The following ESRRB variants were observed in gnomAD, a reference collection of about 807,000 sequenced individuals.
ESRRB encodes steroid hormone receptor ERR2.
Under a neutral mutation model 46.0 loss-of-function variants are expected in ESRRB, and 16 were observed. The ratio of observed to expected loss-of-function variants is 0.35; its 90% CI spans 0.24 to 0.53. ESRRB has a LOEUF of 0.53. Ranked by LOEUF, ESRRB falls within the 20% of genes least tolerant of loss-of-function variation. ESRRB has a pLI of 0.93. For missense variants in ESRRB, 488 were observed against 607.4 expected (o/e 0.80, Z 2.07); for synonymous variants, 246 against 259.6 (o/e 0.95, Z 0.50).
upstream of ESRRB, among the ~76,000 whole-genome samples, chr14:76,375,218 C>CA (rs1188635496): frequency 6.6e-6 from 1 of 151,878 alleles, no homozygotes; most frequent in African/African-American, 2.4e-5. Context: ...TGGTGCATCT[C>CA]AAAAGATGAA....
intron 1 of ESRRB, among the ~76,000 whole-genome samples, chr14:76,333,744 C>T (rs1476823475): frequency 6.6e-6 from 1 of 151,802 alleles, no homozygotes; most frequent in East Asian, 1.9e-4. Flanking sequence ...AAAATTATCA[C>T]CGAAATACTT....
At position 76,402,500 on chromosome 14, in the gene ESRRB, A is replaced by T. The variant is rs141318031; in HGVS notation, c.50+26049A>T. On this transcript the variant is annotated intron_variant, in intron 1 of 6. Coordinates refer to ENST00000644823, the MANE Select transcript of ESRRB (RefSeq NM_001379180.1). ...AGGGCCATGATGCCTGTTGAATCCC[A>T]TGACTCTGGGAACTATCCATTGGGA... 4.0e-3 allele frequency among the ~76,000 whole-genome samples: 612 copies of T among 152,248 alleles called. 4 individuals carry two copies. Among genetic ancestry groups the T allele is most frequent in the African/African-American group, 0.014 (591 of 41,544 alleles).
chr14:76,403,934 G>C (rs1348247367), intron 1 of ESRRB, among the ~76,000 whole-genome samples: 1 of 152,020 alleles, frequency 6.6e-6, no homozygotes. Flanking sequence ...GGCCAGGCTG[G>C]TCCCGAACTC....
Position 76,498,638 on chromosome 14 carries a change from G to T in ESRRB, c.*180G>T. 3.1e-6 allele frequency: 3 copies of T among 981,712 alleles called. No homozygotes were observed. Among genetic ancestry groups the T allele is most frequent in the Non-Finnish European group, 4.3e-6 (3 of 699,772 alleles). 60.8% of individuals were successfully genotyped at this position (981,712 alleles called of 1,614,324 possible). ...GACTCCCGGGTGCAGTGGGGTGGGG[G>T]ACGGGGATGGGGGGGCAGGGGTGTG... is the stretch of plus-strand genomic sequence containing the variant. On this transcript the variant is annotated 3_prime_UTR_variant, in exon 7 of 7. Coordinates refer to ENST00000644823, the MANE Select transcript of ESRRB (RefSeq NM_001379180.1).
chr14:76,485,661 A>AG (rs1889987724), intron 5 of ESRRB, among the ~76,000 whole-genome samples: 225 of 104,218 alleles, frequency 2.2e-3, no homozygotes, highest in African/African-American at 8.3e-3. Context: ...GAGAGAGAGA[A>AG]AGAAAGAGAG....
At chr14:76,325,820 G>A (rs185243641) in intron 1 of ESRRB, among the ~76,000 whole-genome samples, 12 of 152,334 alleles carry the variant, frequency 7.9e-5, no homozygotes, top group Admixed American at 3.3e-4. Context: ...GCGCTGGCCC[G>A]CAGTAACTCT....
intron 3 of ESRRB, among the ~76,000 whole-genome samples, chr14:76,480,073 A>G (rs61979412): frequency 0.091 from 13,815 of 152,136 alleles, 818 homozygotes; most frequent in African/African-American, 0.16. Context: ...TCGCCATGGT[A>G]GCTAGGCTGA....
intron 3 of ESRRB, among the ~76,000 whole-genome samples, chr14:76,465,553 G>T (rs573386778): frequency 2.6e-5 from 4 of 152,298 alleles, no homozygotes; most frequent in African/African-American, 7.2e-5. Flanking sequence ...GGTATCGGGG[G>T]TGCTGGGAGG....
chr14:76,374,722 A>T (rs1045590863), upstream of ESRRB, among the ~76,000 whole-genome samples: 2 of 152,094 alleles, frequency 1.3e-5, no homozygotes, highest in African/African-American at 4.8e-5. Flanking sequence ...TGTGATTTTT[A>T]AAAATCGGGG....
At chr14:76,360,841 C>A (rs565350603) in intron 1 of ESRRB, among the ~76,000 whole-genome samples, 1 of 152,294 alleles carries the variant, frequency 6.6e-6, no homozygotes, top group East Asian at 1.9e-4. Context: ...ACCTGTCTAC[C>A]TTTCTGGGTT....
intron 1 of ESRRB, among the ~76,000 whole-genome samples, chr14:76,349,932 C>G (rs1884294325): frequency 3.3e-5 from 5 of 152,134 alleles, no homozygotes; most frequent in Admixed American, 2.6e-4. Context: ...CTAATGAAAA[C>G]CAGGCTTACA....
At chr14:76,467,907 C>A (rs753789686) in intron 3 of ESRRB, among the ~76,000 whole-genome samples, 3 of 152,160 alleles carry the variant, frequency 2.0e-5, no homozygotes, top group Non-Finnish European at 2.9e-5. Flanking sequence ...CTCCCAAGCC[C>A]GCTCCATTTC....
At position 76,485,729 on chromosome 14, in the gene ESRRB, G is replaced by C. The variant is rs370284282; in HGVS notation, c.850+2970G>C. 5.3e-5 allele frequency among the ~76,000 whole-genome samples: 8 copies of C among 152,258 alleles called. No individual in the cohort carries two copies. In the East Asian group the frequency reaches 9.7e-4, roughly 18 times the overall value. ...AAAGCTGGGGCCCACCCTGGGGCCTGTGTTGGCTCCAGTCCATCTAGTTCC... is the reference window on the plus strand; with the variant it reads ...AAAGCTGGGGCCCACCCTGGGGCCTCTGTTGGCTCCAGTCCATCTAGTTCC... On this transcript the variant is annotated intron_variant, in intron 5 of 6. Transcript: ENST00000644823.
rs896367128 is a variant in ESRRB, at chr14:76,499,577, T to A, written c.*1119T>A. On this transcript the variant is annotated 3_prime_UTR_variant, in exon 7 of 7. Transcript: ENST00000644823. ...TCAGCATCATGCCACAGGGCTAGTG[T>A]ACCAGTGCCACAGGAGGGGTGCCCT... is the stretch of plus-strand genomic sequence containing the variant. 17 of 508,028 alleles carry A rather than the reference T, an allele frequency of 3.3e-5. No individual in the cohort carries two copies. Among genetic ancestry groups the A allele is most frequent in the Non-Finnish European group, 6.1e-5 (17 of 278,230 alleles). The allele number at this position is 508,028 out of a possible 1,614,324, so 31.5% of individuals were successfully genotyped here. A position where few individuals can be genotyped will look rare whatever the true frequency, so the allele number is the denominator to read the frequency against.
intron 6 of ESRRB, among the ~76,000 whole-genome samples, chr14:76,497,022 G>C (rs1377695935): frequency 6.6e-6 from 1 of 152,196 alleles, no homozygotes; most frequent in Non-Finnish European, 1.5e-5. Context: ...TTTGGTCGAA[G>C]GCAGCTGCCA....
At chr14:76,475,369 GAAA>G (rs34977404) in intron 3 of ESRRB, among the ~76,000 whole-genome samples, 2 of 130,696 alleles carry the variant, frequency 1.5e-5, no homozygotes. Flanking sequence ...ACCTTGCCTC[GAAA>G]AAAAAAAAAA....
chr14:76,346,811 G>A (rs957301248), intron 1 of ESRRB, among the ~76,000 whole-genome samples: 1 of 152,224 alleles, frequency 6.6e-6, no homozygotes, highest in African/African-American at 2.4e-5. Context: ...CCAGGATTCT[G>A]TAATTGGACT....
intron 3 of ESRRB, among the ~76,000 whole-genome samples, chr14:76,464,273 G>C (rs543505855): frequency 1.8e-4 from 27 of 152,272 alleles, no homozygotes; most frequent in African/African-American, 5.8e-4. Context: ...TGGGCTTCTG[G>C]AAGCCCAGCC....
At chr14:76,447,865 T>G (rs1888217755) in intron 2 of ESRRB, among the ~76,000 whole-genome samples, 1 of 152,184 alleles carries the variant, frequency 6.6e-6, no homozygotes, top group Admixed American at 6.5e-5. Flanking sequence ...CTGTTCTCCC[T>G]GCTGCCAGGC....
Sources: gnomAD v4.1 joint callset for allele counts (sites outside exome capture counted in the v4.1 genomes callset) on GRCh38, gnomAD v4.1.1 for gene constraint, MANE v1.5 for transcripts, NCBI Gene and HGNC (gene_info 2026-07-23, HGNC 2026-07-21) for gene names.